The following CDH4 variants were observed in gnomAD, a reference collection of about 807,000 sequenced individuals.
The protein encoded by CDH4 is cadherin-4.
In CDH4, 33 loss-of-function variants were observed where a neutral mutation model predicts 86.0. The observed-to-expected ratio is 0.38, with a 90% confidence interval of 0.29 to 0.51. CDH4 has a LOEUF of 0.51. Among genes scored for constraint, CDH4 ranks in the 20% least tolerant of loss-of-function variants. CDH4 has a pLI of 0.86. For synonymous variants in CDH4, 555 were observed against 549.4 expected, an observed-to-expected ratio of 1.01 and a Z score of -0.14; for missense variants, 1,114 against 1,307.4, an observed-to-expected ratio of 0.85 and a Z score of 2.28.
In CDH4 at chr20:61,743,663, G is replaced by A; in HGVS notation, c.270G>A (p.Glu90=). The A allele has an allele frequency of 6.2e-7, 1 of 1,601,748 alleles. No individual in the cohort carries two copies. The change falls in exon 3 of 16, where the codon GAG becomes GAA. Residue 90 remains glutamate, a synonymous_variant. Transcript: ENST00000614565. ...GADGTVFATR[E]LQVPSEQVAF... ...ATGGGACAGTCTTCGCCACCCGGGA[G>A]CTGCAGGTCCCCTCCGAGCAGGTGG...
At chr20:61,622,690 A>G (rs1032781820) in intron 2 of CDH4, among the ~76,000 whole-genome samples, 2 of 152,202 alleles carry the variant, frequency 1.3e-5, no homozygotes, top group Admixed American at 6.5e-5. Context: ...AGCACTTGGG[A>G]TTGGATAACT....
intron 2 of CDH4, among the ~76,000 whole-genome samples, chr20:61,648,653 G>A (rs189353948): frequency 1.3e-5 from 2 of 152,288 alleles, no homozygotes; most frequent in Admixed American, 6.5e-5. Flanking sequence ...GGTGAATGGC[G>A]AGAAGAGCTG....
intron 12 of CDH4, among the ~76,000 whole-genome samples, 187 bp from the exon 13 acceptor site, chr20:61,929,422 G>A (rs1024857192): frequency 3.3e-5 from 5 of 152,238 alleles, no homozygotes; most frequent in Admixed American, 6.5e-5. Flanking sequence ...ACAAGCGTGA[G>A]CCACCACACC....
At chr20:61,753,580 G>A (rs1600948680) in intron 3 of CDH4, among the ~76,000 whole-genome samples, 2 of 152,318 alleles carry the variant, frequency 1.3e-5, no homozygotes, top group South Asian at 4.1e-4. Flanking sequence ...AGGAATCAGA[G>A]CAATATTCTG....
intron 11 of CDH4, among the ~76,000 whole-genome samples, 190 bp downstream of exon 11, chr20:61,924,666 C>G (rs1016412721): frequency 6.6e-6 from 1 of 152,056 alleles, no homozygotes; most frequent in African/African-American, 2.4e-5. Context: ...GGCCCCCAGG[C>G]CATGCTCCCC....
intron 2 of CDH4, among the ~76,000 whole-genome samples, chr20:61,563,245 G>A (rs1030357836): frequency 6.6e-6 from 1 of 152,246 alleles, no homozygotes; most frequent in Non-Finnish European, 1.5e-5. Context: ...CCGGCTCCAG[G>A]AAAGCAATGT....
At chr20:61,653,384 C>A (rs2087146346) in intron 2 of CDH4, among the ~76,000 whole-genome samples, 1 of 139,166 alleles carries the variant, frequency 7.2e-6, no homozygotes, top group Non-Finnish European at 1.6e-5. Flanking sequence ...CTTTTCCCCA[C>A]CTTTCCCCCC....
At position 61,317,229 on chromosome 20, in the gene CDH4, T is replaced by C. The variant is rs572573902; in HGVS notation, c.169+62292T>C. On this transcript the variant is annotated intron_variant, in intron 2 of 15. Transcript: ENST00000614565. Reference sequence around the variant, plus strand: ...CCGTCTCTACTAAAAATACAACAAATTAGCCAGCTGTGGTGGCGAGCGCCC... The same window carrying C: ...CCGTCTCTACTAAAAATACAACAAACTAGCCAGCTGTGGTGGCGAGCGCCC... 2.0e-5 allele frequency among the ~76,000 whole-genome samples: 3 copies of C among 152,178 alleles called. No individual in the cohort carries two copies. The South Asian group carries it at 6.2e-4, about 32-fold the overall frequency.
intron 6 of CDH4, among the ~76,000 whole-genome samples, chr20:61,861,052 T>C (rs528011917): frequency 2.2e-4 from 33 of 152,294 alleles, no homozygotes; most frequent in Admixed American, 6.5e-4. Context: ...GAAAAATAGC[T>C]GTGGCCACCA....
At chr20:61,649,618 T>C (rs1241393569) in intron 2 of CDH4, among the ~76,000 whole-genome samples, 3 of 152,188 alleles carry the variant, frequency 2.0e-5, no homozygotes, top group Non-Finnish European at 4.4e-5. Context: ...AAGAGACTTG[T>C]AGGCTTGACT....
chr20:61,854,234 G>A (rs1982876557), intron 6 of CDH4, among the ~76,000 whole-genome samples: 1 of 152,190 alleles, frequency 6.6e-6, no homozygotes, highest in Admixed American at 6.5e-5. Flanking sequence ...ACACGCCCCT[G>A]CAGGCCCCCA....
intron 2 of CDH4, among the ~76,000 whole-genome samples, chr20:61,741,785 C>T (rs369321408): frequency 4.6e-4 from 70 of 152,228 alleles, no homozygotes; most frequent in African/African-American, 1.6e-3. Context: ...TGAGCCACCA[C>T]GCCCAGCCTC....
intron 2 of CDH4, among the ~76,000 whole-genome samples, chr20:61,352,912 G>A (rs6015964): frequency 0.19 from 29,393 of 152,042 alleles, 2,879 homozygotes; most frequent in Middle Eastern, 0.34. Flanking sequence ...CCATCCTTGC[G>A]GCGCACAGGA....
At chr20:61,674,549 G>A (rs900205354) in intron 2 of CDH4, among the ~76,000 whole-genome samples, 22 of 152,330 alleles carry the variant, frequency 1.4e-4, no homozygotes, top group Admixed American at 1.3e-3. Flanking sequence ...ACCTCCACCA[G>A]CACAGTCCCA....
intron 2 of CDH4, among the ~76,000 whole-genome samples, chr20:61,325,736 A>T (rs959526111): frequency 2.6e-4 from 39 of 152,252 alleles, no homozygotes; most frequent in Non-Finnish European, 3.5e-4. Context: ...GTTTAATTTT[A>T]AAAAAAGAAA....
chr20:61,531,472 C>CAAAAAAAAAAAAA (rs956436259), intron 2 of CDH4, among the ~76,000 whole-genome samples: 1 of 44,100 alleles, frequency 2.3e-5, no homozygotes, highest in Non-Finnish European at 4.2e-5. Context: ...GACTGCATCT[C>CAAAAAAAAAAAAA]AAAAAAAAAA....
In CDH4 at chr20:61,902,814, T is replaced by G. The variant is rs912845159; in HGVS notation, c.1189-7608T>G. 1.3e-5 allele frequency among the ~76,000 whole-genome samples: 2 copies of G among 152,264 alleles called. No individual in the cohort carries two copies. Among genetic ancestry groups the G allele is most frequent in the Admixed American group, 1.3e-4 (2 of 15,296 alleles). ...TTCTAGCATTGCAGACGTCTAAGTA[T>G]GAGGTCAGCGCCTCGTCACCACCTG... On this transcript the variant is annotated intron_variant, in intron 8 of 15. Transcript: ENST00000614565. The surrounding 1 kb of genome is among the most constrained non-coding windows in gnomAD (Gnocchi z 4.6).
At chr20:61,824,392 C>G (rs1277088477) in intron 4 of CDH4, among the ~76,000 whole-genome samples, 2 of 151,922 alleles carry the variant, frequency 1.3e-5, no homozygotes, top group Non-Finnish European at 1.5e-5. Context: ...CCCCCCAACC[C>G]CAGCGACATG....
chr20:61,926,762 A>G (rs1181655010), intron 11 of CDH4, among the ~76,000 whole-genome samples: 1 of 152,166 alleles, frequency 6.6e-6, no homozygotes, highest in African/African-American at 2.4e-5. Flanking sequence ...AATCCCAGCT[A>G]TTCGGGAGGC....
Sources: gnomAD v4.1 joint callset for allele counts (sites outside exome capture counted in the v4.1 genomes callset) on GRCh38, gnomAD v4.1.1 for gene constraint, Gnocchi (gnomAD v3.1) non-coding constraint, MANE v1.5 for transcripts, NCBI Gene and HGNC (gene_info 2026-07-23, HGNC 2026-07-21) for gene names.